The following NRXN1 variants were observed in gnomAD, a reference collection of about 807,000 sequenced individuals.
NRXN1 encodes the protein neurexin 1.
NRXN1 carries 39 observed loss-of-function variants against 150.9 expected under a neutral mutation model. The observed-to-expected ratio is 0.26, with a 90% CI of 0.20 to 0.34. NRXN1 has a LOEUF of 0.34. NRXN1 is among the 10% of genes least tolerant of loss of function. The pLI is 1.00. For synonymous variants in NRXN1, 924 were observed against 757.0 expected (o/e 1.22, Z -3.62); for missense variants, 1,815 against 1,949.9 (o/e 0.93, Z 1.30).
At chr2:49,933,707 A>C (rs1047291769) in intron 22 of NRXN1, among the ~76,000 whole-genome samples, 4 of 152,184 alleles carry the variant, frequency 2.6e-5, no homozygotes, top group Non-Finnish European at 4.4e-5. Context: ...TTCAGTATGA[A>C]AGTATCTGAG....
intron 5 of NRXN1, among the ~76,000 whole-genome samples, chr2:50,861,776 T>C (rs1270607356): frequency 6.6e-6 from 1 of 152,092 alleles, no homozygotes; most frequent in East Asian, 1.9e-4. Flanking sequence ...TTTCCTACTG[T>C]TTGTGACATG....
chr2:50,408,183 T>C (rs2082890453), intron 17 of NRXN1, among the ~76,000 whole-genome samples: 1 of 152,132 alleles, frequency 6.6e-6, no homozygotes, highest in Admixed American at 6.6e-5. Context: ...GCAATGTAAA[T>C]TCAGTGAAAT....
At chr2:50,036,413 T>G (rs556535410) in intron 21 of NRXN1, among the ~76,000 whole-genome samples, 5 of 152,134 alleles carry the variant, frequency 3.3e-5, no homozygotes, top group Admixed American at 3.3e-4. Context: ...TAAATTACCC[T>G]GTCTCAAGCA....
chr2:50,254,899 T>C (rs1265029038), intron 17 of NRXN1, among the ~76,000 whole-genome samples: 2 of 152,062 alleles, frequency 1.3e-5, no homozygotes, highest in African/African-American at 4.8e-5. Flanking sequence ...CTCGACCTCC[T>C]GAACTCAAGA....
intron 21 of NRXN1, among the ~76,000 whole-genome samples, chr2:50,030,258 G>A (rs555685526): frequency 6.6e-6 from 1 of 151,894 alleles, no homozygotes; most frequent in Non-Finnish European, 1.5e-5. Context: ...TTCTTTCTCT[G>A]CCCCTTTTGA....
intron 2 of NRXN1, among the ~76,000 whole-genome samples, chr2:50,947,090 A>C (rs1163153345): frequency 6.6e-6 from 1 of 152,084 alleles, no homozygotes; most frequent in Non-Finnish European, 1.5e-5. Context: ...TGTTTCTTTC[A>C]TTTGCAACCA....
In NRXN1 at chr2:51,027,936, G is replaced by A. The variant is rs201542547; in HGVS notation, c.338C>T (p.Ala113Val). 48 of 1,604,860 alleles carry A rather than the reference G, an allele frequency of 3.0e-5. No homozygotes were observed. The highest frequency in any genetic ancestry group is 3.9e-5 in the Non-Finnish European group (46 of 1,179,662). Residue 113 changes from alanine to valine, a missense_variant, in exon 2 of 23, where the codon GCC becomes GTC. Ala to Val is a moderately conservative substitution (Grantham distance 64). Coordinates refer to ENST00000401669, the MANE Select transcript of NRXN1 (RefSeq NM_001330078.2). ...GCGGCGGATGCGCACGCTGTGCCAG[G>A]CGCCGTCGTTAACCGGCGTGTCGGC... Reference protein sequence around the residue: ...LLADTPVNDGAWHSVRIRRQF... With the variant: ...LLADTPVNDGVWHSVRIRRQF...
intron 5 of NRXN1, among the ~76,000 whole-genome samples, chr2:50,893,216 C>G (rs926173891): frequency 6.6e-6 from 1 of 152,126 alleles, no homozygotes; most frequent in Non-Finnish European, 1.5e-5. Flanking sequence ...CCAGCTGTCA[C>G]ATGTGTTTAT....
intron 19 of NRXN1, among the ~76,000 whole-genome samples, chr2:50,061,123 A>G (rs1573673630): frequency 6.6e-6 from 1 of 152,322 alleles, no homozygotes; most frequent in East Asian, 1.9e-4. Context: ...ATTATTTTAA[A>G]TAATTTCTCA....
intron 5 of NRXN1, among the ~76,000 whole-genome samples, chr2:50,733,429 C>T (rs1427247843): frequency 1.3e-5 from 2 of 152,044 alleles, no homozygotes; most frequent in East Asian, 1.9e-4. Flanking sequence ...AAACAACCTT[C>T]CTAAGGAGTG....
At chr2:50,373,626 A>AAAGAAAG (rs2080210958) in intron 17 of NRXN1, among the ~76,000 whole-genome samples, 1 of 98,538 alleles carries the variant, frequency 1.0e-5, no homozygotes, top group East Asian at 3.2e-4. Flanking sequence ...AGAGAGAAAG[A>AAAGAAAG]AAAGAAAGAA....
chr2:49,972,238 G>A (rs535861178), intron 21 of NRXN1, among the ~76,000 whole-genome samples: 25 of 151,674 alleles, frequency 1.6e-4, no homozygotes, highest in Admixed American at 3.3e-4. Context: ...ACTGTGTCCA[G>A]TTCTCTGGGA....
intron 2 of NRXN1, among the ~76,000 whole-genome samples, chr2:50,934,931 TTAGACCTCA>T (rs1347584319): frequency 7.2e-5 from 11 of 152,292 alleles, no homozygotes; most frequent in African/African-American, 2.6e-4. Context: ...GTCTTTTCCT[TTAGACCTCA>T]TAGATGAGAA....
intron 17 of NRXN1, among the ~76,000 whole-genome samples, chr2:50,271,673 C>T (rs2069672453): frequency 1.3e-5 from 2 of 152,100 alleles, no homozygotes; most frequent in Non-Finnish European, 2.9e-5. Context: ...AAAATTTTAA[C>T]AACTGAGAAA....
chr2:50,045,651 G>C (rs944813485), intron 21 of NRXN1, among the ~76,000 whole-genome samples: 1 of 152,176 alleles, frequency 6.6e-6, no homozygotes, highest in Non-Finnish European at 1.5e-5. Flanking sequence ...ACAATTTGTA[G>C]AGCTGATAAA....
intron 15 of NRXN1, among the ~76,000 whole-genome samples, chr2:50,488,385 G>A (rs551185615): frequency 6.6e-6 from 1 of 152,242 alleles, no homozygotes; most frequent in Admixed American, 6.5e-5. Context: ...AGTTGATCAG[G>A]GGTGAAAAGC....
At chr2:50,518,461 G>C (rs2092689921) in intron 12 of NRXN1, among the ~76,000 whole-genome samples, 1 of 151,764 alleles carries the variant, frequency 6.6e-6, no homozygotes, top group Non-Finnish European at 1.5e-5. Flanking sequence ...TGTTTGTGTA[G>C]TGTTAAAGAA....
intron 17 of NRXN1, among the ~76,000 whole-genome samples, chr2:50,268,516 G>A (rs543127343): frequency 2.8e-4 from 42 of 152,110 alleles, no homozygotes; most frequent in Non-Finnish European, 4.9e-4. Flanking sequence ...TCAGAGTATA[G>A]CTCATGGCTA....
intron 5 of NRXN1, chr2:50,829,495 C>T (rs1013731858): frequency 1.1e-4 from 180 of 1,593,938 alleles, no homozygotes; most frequent in Admixed American, 4.0e-4. Context: ...ATGAGAAAGG[C>T]GCGAATCAAA....
Sources: gnomAD v4.1 joint callset for allele counts (sites outside exome capture counted in the v4.1 genomes callset) on GRCh38, gnomAD v4.1.1 for gene constraint, MANE v1.5 for transcripts, NCBI Gene and HGNC (gene_info 2026-07-23, HGNC 2026-07-21) for gene names.